The following KRIT1 variants were observed in gnomAD, a reference collection of about 807,000 sequenced individuals.
KRIT1 encodes the protein KRIT1 ankyrin repeat containing.
KRIT1 carries 45 observed loss-of-function variants against 95.8 expected under a neutral mutation model. That is an observed-to-expected ratio of 0.47 (90% confidence interval 0.37 to 0.60). The LOEUF is 0.60. Among genes scored for constraint, KRIT1 ranks in the 20% least tolerant of loss-of-function variants. KRIT1 has a pLI of 0.00. For synonymous variants in KRIT1, 282 were observed against 278.8 expected (o/e 1.01, Z -0.11); for missense variants, 788 against 877.5 (o/e 0.90, Z 1.29).
At chr7:92,233,725 A>G (rs1157041656) in intron 10 of KRIT1, among the ~76,000 whole-genome samples, 2 of 152,168 alleles carry the variant, frequency 1.3e-5, no homozygotes, top group East Asian at 3.8e-4. Context: ...AAATTAGCCA[A>G]GGAAGCTTAC....
rs932010054 is a variant in KRIT1 at position 92,233,554 on chromosome 7, G to C, written c.989+895C>G. On this transcript the variant is annotated intron_variant, in intron 10 of 18. Coordinates refer to ENST00000394505, the MANE Select transcript of KRIT1 (RefSeq NM_194454.3). ...CCCAAGTAGCTGGGATTACAGGCGT[G>C]CACCACCACGCCCGGCTAATTTTTG... is the stretch of plus-strand genomic sequence containing the variant. Among the ~76,000 whole-genome samples the C allele has an allele frequency of 2.0e-5, 3 of 151,832 alleles. No homozygotes were observed. The East Asian group carries it at 5.8e-4, about 29-fold the overall frequency.
In KRIT1 at chr7:92,241,131, T is replaced by C; in HGVS notation, c.124A>G (p.Ile42Val). 2 of 1,610,440 alleles carry C rather than the reference T, an allele frequency of 1.2e-6. No homozygotes were observed. The highest frequency in any genetic ancestry group is 8.5e-7 in the Non-Finnish European group (1 of 1,176,918). Residue 42 changes from isoleucine to valine, a missense_variant, in exon 5 of 19, where the codon ATT (isoleucine) becomes GTT (valine). By Grantham distance (29) the Ile-to-Val change is conservative. Transcript: ENST00000394505. ...TTTCTCTTTTTTTTCTGTCCTTCAA[T>C]GGGAACTTCATGCAACAAAATCTTA... ...SYEILLHEVPIEGQKKKRKKV... is the reference protein window; with the variant it reads ...SYEILLHEVPVEGQKKKRKKV...
intron 17 of KRIT1, among the ~76,000 whole-genome samples, chr7:92,212,584 G>A (rs1394034213): frequency 6.6e-6 from 1 of 152,164 alleles, no homozygotes; most frequent in African/African-American, 2.4e-5. Flanking sequence ...GCTACAAGGA[G>A]ATGTCAGCAG....
chr7:92,222,685 T>C, intron 13 of KRIT1, 137 bp downstream of exon 13: 2 of 651,340 alleles, frequency 3.1e-6, no homozygotes, highest in South Asian at 1.9e-5. Flanking sequence ...TGAACACTAG[T>C]AATTTATATA....
At chr7:92,230,012 C>T (rs1411782499) in intron 10 of KRIT1, among the ~76,000 whole-genome samples, 2 of 152,106 alleles carry the variant, frequency 1.3e-5, no homozygotes, top group Non-Finnish European at 2.9e-5. Context: ...GAAATGTGAT[C>T]ACCTTAGAAC....
chr7:92,207,070 G>A (rs1409834065), intron 17 of KRIT1, among the ~76,000 whole-genome samples: 2 of 151,956 alleles, frequency 1.3e-5, no homozygotes, highest in Non-Finnish European at 2.9e-5. Flanking sequence ...AATGGAGAAA[G>A]TCAAAGAAAA....
At chr7:92,203,569 C>A (rs895091280) in intron 17 of KRIT1, among the ~76,000 whole-genome samples, 1 of 152,176 alleles carries the variant, frequency 6.6e-6, no homozygotes, top group Admixed American at 6.5e-5. Context: ...CTGTCTGTTA[C>A]TGCTAACTCA....
At chr7:92,207,114 A>G (rs531064144) in intron 17 of KRIT1, among the ~76,000 whole-genome samples, 2 of 152,272 alleles carry the variant, frequency 1.3e-5, no homozygotes, top group East Asian at 3.9e-4. Flanking sequence ...AAAACTCCCT[A>G]AGTCTTGTAA....
chr7:92,226,068 A>G (rs745808591), intron 11 of KRIT1, among the ~76,000 whole-genome samples: 1 of 152,216 alleles, frequency 6.6e-6, no homozygotes, highest in South Asian at 2.1e-4. Flanking sequence ...AGACATAATA[A>G]AAGTTTTAAT....
At chr7:92,234,969 T>C in intron 8 of KRIT1, 46 bp from the exon 9 acceptor site, 1 of 876,296 alleles carries the variant, frequency 1.1e-6, no homozygotes, top group Non-Finnish European at 2.0e-6. Context: ...AGCTTTGTCA[T>C]CTTAATGTTT....
chr7:92,242,240 C>T, intron 3 of KRIT1, 103 bp from the exon 4 acceptor site: 1 of 742,406 alleles, frequency 1.3e-6, no homozygotes. Flanking sequence ...TTTATTTCCA[C>T]ATAATCATGT....
intron 10 of KRIT1, among the ~76,000 whole-genome samples, chr7:92,228,200 G>T (rs1051558714): frequency 6.6e-6 from 1 of 152,012 alleles, no homozygotes; most frequent in African/African-American, 2.4e-5. Context: ...ATGTTGAAGA[G>T]AAGTAAAATA....
chr7:92,220,981 C>G (rs1230776621), intron 14 of KRIT1, among the ~76,000 whole-genome samples: 1 of 151,932 alleles, frequency 6.6e-6, no homozygotes, highest in Non-Finnish European at 1.5e-5. Context: ...AGCCACTGTG[C>G]CTGGTCCATT....
intron 14 of KRIT1, among the ~76,000 whole-genome samples, chr7:92,217,669 T>C (rs951780307): frequency 3.9e-5 from 6 of 152,232 alleles, no homozygotes; most frequent in African/African-American, 9.6e-5. Flanking sequence ...CACTCATCTG[T>C]TGATGGACAC....
In KRIT1 at chr7:92,234,469, T is replaced by A; in HGVS notation, c.969A>T (p.Ala323=). The A allele has an allele frequency of 6.2e-7, 1 of 1,607,532 alleles. No homozygotes were observed. The highest frequency in any genetic ancestry group is 8.5e-7 in the Non-Finnish European group (1 of 1,174,008). ...SVNQLDSDHW[A]PIHYACWYGK... ...TTTACCAGCATGCATAATGAATGGG[T>A]GCCCAGTGGTCACTATCTAACTGGT... The change falls in exon 10 of 19, where the codon GCA becomes GCT. Residue 323 remains alanine, a synonymous_variant. Coordinates refer to ENST00000394505, the MANE Select transcript of KRIT1 (RefSeq NM_194454.3).
chr7:92,206,972 TA>T (rs1791659133), intron 17 of KRIT1: 1 of 127,234 alleles, frequency 7.9e-6, no homozygotes, highest in Non-Finnish European at 1.7e-5. Flanking sequence ...AATCAAGAAA[TA>T]AAAAAGAATG....
At chr7:92,205,171 AC>A (rs1396888155) in intron 17 of KRIT1, among the ~76,000 whole-genome samples, 2 of 151,822 alleles carry the variant, frequency 1.3e-5, no homozygotes, top group Non-Finnish European at 2.9e-5. Context: ...ACATGGAGAA[AC>A]CCCCTCTCTA....
chr7:92,218,380 G>A (rs1412112210), intron 14 of KRIT1, among the ~76,000 whole-genome samples: 3 of 150,908 alleles, frequency 2.0e-5, no homozygotes, highest in African/African-American at 7.3e-5. Flanking sequence ...ACCACGCCTG[G>A]CCTACTTTTT....
At chr7:92,214,500 A>T in intron 15 of KRIT1, 111 bp downstream of exon 15, 1 of 787,664 alleles carries the variant, frequency 1.3e-6, no homozygotes, top group Non-Finnish European at 2.1e-6. Flanking sequence ...TATATTATTT[A>T]ATTCCAAACC....
Sources: allele counts gnomAD v4.1 joint callset (sites outside exome capture counted in the v4.1 genomes callset), GRCh38; gene constraint gnomAD v4.1.1; transcripts MANE v1.5; gene names NCBI Gene and HGNC (gene_info 2026-07-23, HGNC 2026-07-21).